Variants in MACROD2 observed in about 807,000 individuals in gnomAD.
The protein encoded by MACROD2 is ADP-ribose glycohydrolase MACROD2.
MACROD2 carries 36 observed loss-of-function variants against 70.4 expected under a neutral mutation model. That is an observed-to-expected ratio of 0.51 (90% CI 0.39 to 0.68). The LOEUF is 0.68. MACROD2 is among the 30% of genes least tolerant of loss of function. MACROD2 has a pLI of 0.00. For synonymous variants in MACROD2, 172 were observed against 178.8 expected, an observed-to-expected ratio of 0.96 and a Z score of 0.30; for missense variants, 496 against 538.4, an observed-to-expected ratio of 0.92 and a Z score of 0.78.
chr20:15,249,145 C>T (rs1281394180), intron 6 of MACROD2, among the ~76,000 whole-genome samples: 3 of 152,184 alleles, frequency 2.0e-5, no homozygotes, highest in East Asian at 1.9e-4. Flanking sequence ...CAACCCCTGT[C>T]GCCTCCTTGT....
At chr20:14,962,401 T>G (rs547485013) in intron 5 of MACROD2, among the ~76,000 whole-genome samples, 1 of 151,756 alleles carries the variant, frequency 6.6e-6, no homozygotes, top group South Asian at 2.1e-4. Flanking sequence ...TGGGCTCAAG[T>G]GATCCTCCCA....
chr20:15,223,051 G>T (rs1025197031), intron 5 of MACROD2, among the ~76,000 whole-genome samples: 2 of 152,122 alleles, frequency 1.3e-5, no homozygotes, highest in East Asian at 3.9e-4. Flanking sequence ...AAATAGGAGT[G>T]GGGGAGTGCA....
At chr20:15,571,916 C>T (rs924640257) in intron 8 of MACROD2, among the ~76,000 whole-genome samples, 5 of 152,112 alleles carry the variant, frequency 3.3e-5, no homozygotes, top group Non-Finnish European at 5.9e-5. Context: ...ACTAACATCA[C>T]ATTTACGAAA....
At chr20:15,022,747 G>A (rs2075198141) in intron 5 of MACROD2, 2 of 152,086 alleles carry the variant, frequency 1.3e-5, no homozygotes, top group South Asian at 2.1e-4. Flanking sequence ...CACCATTACA[G>A]TATCATACAG....
At chr20:15,639,861 G>A (rs2049428342) in intron 8 of MACROD2, among the ~76,000 whole-genome samples, 1 of 151,888 alleles carries the variant, frequency 6.6e-6, no homozygotes, top group Non-Finnish European at 1.5e-5. Context: ...AAGGGGAGAG[G>A]AAAGAGAGAG....
At chr20:14,521,273 G>C (rs2085166883) in intron 4 of MACROD2, among the ~76,000 whole-genome samples, 2 of 152,054 alleles carry the variant, frequency 1.3e-5, no homozygotes, top group Admixed American at 6.6e-5. Flanking sequence ...GCCCTCTTGG[G>C]GGCCTCTTCC....
intron 3 of MACROD2, among the ~76,000 whole-genome samples, chr20:14,279,693 G>A (rs113663488): frequency 2.8e-4 from 43 of 152,194 alleles, no homozygotes; most frequent in African/African-American, 9.4e-4. Context: ...CTCTAATACT[G>A]TTTAATTGTA....
chr20:14,056,438 A>AC (rs1324184209), intron 2 of MACROD2, among the ~76,000 whole-genome samples: 10 of 151,964 alleles, frequency 6.6e-5, no homozygotes, highest in Admixed American at 2.0e-4. Context: ...TTTTCTAACA[A>AC]CTTAGTACTT....
At chr20:14,118,033 C>G (rs1047381094) in intron 3 of MACROD2, among the ~76,000 whole-genome samples, 2 of 152,162 alleles carry the variant, frequency 1.3e-5, no homozygotes, top group African/African-American at 2.4e-5. Flanking sequence ...TTTGAAAGTA[C>G]AGTTTTCTCT....
chr20:14,253,648 G>A (rs1414561082), intron 3 of MACROD2, among the ~76,000 whole-genome samples: 2 of 152,044 alleles, frequency 1.3e-5, no homozygotes, highest in African/African-American at 4.8e-5. Flanking sequence ...TTGAAATCAA[G>A]TACAATGCTT....
chr20:14,007,854 T>A (rs866047427), intron 2 of MACROD2, among the ~76,000 whole-genome samples: 79 of 152,322 alleles, frequency 5.2e-4, no homozygotes, highest in African/African-American at 1.8e-3. Context: ...GTTTAGATTG[T>A]CTTTTTGAGT....
At chr20:14,848,769 A>T (rs1219402032) in intron 5 of MACROD2, among the ~76,000 whole-genome samples, 1 of 152,098 alleles carries the variant, frequency 6.6e-6, no homozygotes, top group African/African-American at 2.4e-5. Flanking sequence ...TAAAATAATG[A>T]TTATTAATTT....
At chr20:14,671,403 G>T (rs866899021) in intron 4 of MACROD2, among the ~76,000 whole-genome samples, 5 of 152,206 alleles carry the variant, frequency 3.3e-5, no homozygotes, top group Middle Eastern at 3.4e-3. Context: ...GAGATTTTAA[G>T]GGTCTACTGT....
At chr20:15,984,667 T>C (rs937850241) in intron 13 of MACROD2, among the ~76,000 whole-genome samples, 17 of 151,444 alleles carry the variant, frequency 1.1e-4, no homozygotes, top group Non-Finnish European at 1.8e-4. Flanking sequence ...AAGCGAACTT[T>C]CTTTATGTCT....
At chr20:15,768,279 C>A (rs1382696768) in intron 8 of MACROD2, among the ~76,000 whole-genome samples, 1 of 152,106 alleles carries the variant, frequency 6.6e-6, no homozygotes, top group African/African-American at 2.4e-5. Flanking sequence ...GCCTATTACA[C>A]CCCTAGGCCA....
At chr20:14,227,132 A>T (rs192822180) in intron 3 of MACROD2, among the ~76,000 whole-genome samples, 50 of 152,150 alleles carry the variant, frequency 3.3e-4, no homozygotes, top group Non-Finnish European at 5.7e-4. Context: ...GTATCTAGCT[A>T]CTCTGGTGGG....
chr20:14,587,616 A>G (rs890665703), intron 4 of MACROD2, among the ~76,000 whole-genome samples: 4 of 151,920 alleles, frequency 2.6e-5, no homozygotes, highest in African/African-American at 9.7e-5. Context: ...TTTTATTAAA[A>G]TGTATAAACA....
At chr20:15,273,215 A>T (rs1445973074) in intron 6 of MACROD2, among the ~76,000 whole-genome samples, 3 of 152,104 alleles carry the variant, frequency 2.0e-5, no homozygotes, top group African/African-American at 7.2e-5. Context: ...CGAATATAAA[A>T]CAGGCAGAAA....
chr20:14,653,136 G>C (rs1207383394), intron 4 of MACROD2, among the ~76,000 whole-genome samples: 2 of 150,358 alleles, frequency 1.3e-5, no homozygotes, highest in African/African-American at 4.9e-5. Context: ...CTGCAGCCTC[G>C]ACCTCCTGGA....
Sources: allele counts gnomAD v4.1 joint callset (sites outside exome capture counted in the v4.1 genomes callset), GRCh38; gene constraint gnomAD v4.1.1; transcripts MANE v1.5; gene names NCBI Gene and HGNC (gene_info 2026-07-23, HGNC 2026-07-21).